The following KPNA7 variants were observed in gnomAD, a reference collection of about 807,000 sequenced individuals.
The protein encoded by KPNA7 is karyopherin subunit alpha 7, also known as importin subunit alpha-8.
A neutral mutation model predicts 53.7 loss-of-function variants in KPNA7; 54 were observed. The ratio of observed to expected loss-of-function variants is 1.01; its 90% CI spans 0.81 to 1.26. KPNA7 has a LOEUF of 1.26. Ranked by LOEUF, KPNA7 falls within the 50% of genes most tolerant of loss-of-function variation. The probability of loss-of-function intolerance (pLI) is 0.00; values close to 1 mark genes in which losing one functional copy is unlikely to be tolerated. For missense variants in KPNA7, 640 were observed against 644.5 expected, an observed-to-expected ratio of 0.99 and a Z score of 0.07; for synonymous variants, 276 against 259.3, an observed-to-expected ratio of 1.06 and a Z score of -0.62.
chr7:99,153,997 ATTG>A, the KPNA7 span, among the ~76,000 whole-genome samples: 2 of 152,060 alleles, frequency 1.3e-5, no homozygotes, highest in Non-Finnish European at 2.9e-5. Context: ...ATTTTTAATA[ATTG>A]TTATGATCCC....
Position 99,195,088 on chromosome 7 carries a change from C to T in KPNA7, c.535G>A (p.Ala179Thr). Reference sequence around the variant, plus strand: ...GTCTCACCGGCTATATTACCAAGAGCCCACACTGCCTGTTCACACACAGCC... The same window carrying T: ...GTCTCACCGGCTATATTACCAAGAGTCCACACTGCCTGTTCACACACAGCC... ...NVAVCEQAVW[A>T]LGNIAGDGPE... Residue 179 changes from alanine to threonine, a missense_variant, in exon 5 of 11, where the codon GCT (alanine) becomes ACT (threonine). Ala to Thr is a moderately conservative substitution (Grantham distance 58, BLOSUM62 0). Transcript: ENST00000327442. 6.4e-7 allele frequency: 1 copy of T among 1,551,566 alleles called. No homozygotes were observed. The highest frequency in any genetic ancestry group is 8.7e-7 in the Non-Finnish European group (1 of 1,146,960).
rs1584259557 is a variant in KPNA7, at chr7:99,177,919, C to A, written c.1464+1G>T. 3 of 1,551,918 alleles carry A rather than the reference C, an allele frequency of 1.9e-6. No individual in the cohort carries two copies. Among genetic ancestry groups the A allele is most frequent in the African/African-American group, 1.4e-5 (1 of 73,128 alleles). On this transcript the variant is annotated splice_donor_variant, in intron 10 of 10. Transcript: ENST00000327442. LOFTEE classifies it high-confidence loss of function. ...CTCCTCCACGCTCCTAAGTCACTTA[C>A]CTCACCAAAGTGCTTCTCGATGATG...
chr7:99,181,529 T>C (rs950693494), intron 9 of KPNA7, among the ~76,000 whole-genome samples: 2 of 152,122 alleles, frequency 1.3e-5, no homozygotes, highest in Non-Finnish European at 2.9e-5. Context: ...GTAGAGGTAT[T>C]GGGGGAAGAG....
At chr7:99,188,242 C>T in intron 7 of KPNA7, 58 bp downstream of exon 7, 2 of 1,512,104 alleles carry the variant, frequency 1.3e-6, no homozygotes, top group Admixed American at 2.0e-5. Context: ...GCCCCAGAAC[C>T]TGCTAAAGTG....
chr7:99,212,233 CTTTTTTTTTTT>C (rs34555248), upstream of KPNA7, among the ~76,000 whole-genome samples: 5 of 47,158 alleles, frequency 1.1e-4, no homozygotes, highest in African/African-American at 2.3e-4. Flanking sequence ...CACATGTGTC[CTTTTTTTTTTT>C]TTTTTTTTTT....
At chr7:99,198,278 A>G (rs1228713180) in intron 3 of KPNA7, among the ~76,000 whole-genome samples, 1 of 152,128 alleles carries the variant, frequency 6.6e-6, no homozygotes, top group Non-Finnish European at 1.5e-5. Flanking sequence ...ATTCTCACTC[A>G]TTCTTAGAGG....
At chr7:99,152,121 T>C in the KPNA7 span, among the ~76,000 whole-genome samples, 1 of 151,656 alleles carries the variant, frequency 6.6e-6, no homozygotes, top group Non-Finnish European at 1.5e-5. Flanking sequence ...GAGGCAGAGG[T>C]TGTAGTGAGC....
intron 6 of KPNA7, among the ~76,000 whole-genome samples, chr7:99,190,348 A>C (rs1789875403): frequency 6.7e-6 from 1 of 149,344 alleles, no homozygotes; most frequent in South Asian, 2.1e-4. Flanking sequence ...AAAAAAAAAA[A>C]AGCAGAAAAA....
At chr7:99,196,885 G>A (rs967776260) in intron 3 of KPNA7, among the ~76,000 whole-genome samples, 4 of 152,130 alleles carry the variant, frequency 2.6e-5, no homozygotes, top group African/African-American at 9.7e-5. Flanking sequence ...TTTTCCCTAA[G>A]AATGTTCATT....
chr7:99,145,955 T>C, the KPNA7 span, among the ~76,000 whole-genome samples: 4 of 152,168 alleles, frequency 2.6e-5, no homozygotes, highest in South Asian at 6.2e-4. Context: ...ATATAAGCAA[T>C]GTTTAAGCAA....
chr7:99,174,582 C>T (rs1343340178), intron 10 of KPNA7, among the ~76,000 whole-genome samples: 1 of 152,120 alleles, frequency 6.6e-6, no homozygotes, highest in East Asian at 1.9e-4. Flanking sequence ...TCTACTTTGT[C>T]TCTACAGATT....
At chr7:99,210,022 A>G (rs1203487379), upstream of KPNA7, among the ~76,000 whole-genome samples, 3 of 150,912 alleles carry the variant, frequency 2.0e-5, no homozygotes, top group Non-Finnish European at 4.4e-5. Context: ...AAACAAACAA[A>G]AAAAAGAAAA....
intron 1 of KPNA7, among the ~76,000 whole-genome samples, chr7:99,217,619 CTTTTTTTTTTTTT>C (rs10616354): frequency 1.8e-4 from 7 of 39,850 alleles, no homozygotes; most frequent in East Asian, 7.7e-4. Context: ...TCCACCTTGC[CTTTTTTTTTTTTT>C]TTTTTTTTTT....
intron 1 of KPNA7, among the ~76,000 whole-genome samples, chr7:99,219,326 G>C (rs756191947): frequency 6.6e-6 from 1 of 152,166 alleles, no homozygotes; most frequent in Non-Finnish European, 1.5e-5. Context: ...GACGTTTAAG[G>C]CTCCTAGGAT....
chr7:99,207,594 G>A lies in KPNA7; in HGVS notation c.-23-105C>T, dbSNP rs998849453. 1.2e-4 allele frequency: 43 copies of A among 345,634 alleles called. 1 individual carries two copies. The highest frequency in any genetic ancestry group is 9.9e-4 in the South Asian group (39 of 39,534). 21.4% of individuals were successfully genotyped at this position (345,634 alleles called of 1,614,324 possible). On this transcript the variant is annotated intron_variant, in intron 1 of 10. Transcript: ENST00000327442. ...TTAAAGGGCTCACAGTGGAGCAAAG[G>A]GCAGACCCAGGAAGCTAGCTTTTTT...
At chr7:99,209,504 C>T (rs887198527), upstream of KPNA7, among the ~76,000 whole-genome samples, 5 of 151,608 alleles carry the variant, frequency 3.3e-5, no homozygotes, top group East Asian at 3.9e-4. Context: ...ACCAACATGG[C>T]GAAACCCTGT....
chr7:99,173,471 G>A (rs896845720), downstream of KPNA7: 18 of 352,574 alleles, frequency 5.1e-5, no homozygotes, highest in East Asian at 3.1e-4. Flanking sequence ...GGGATTACAG[G>A]TGTGAGCCAC....
At chr7:99,152,300 T>G in the KPNA7 span, among the ~76,000 whole-genome samples, 1 of 148,278 alleles carries the variant, frequency 6.7e-6, no homozygotes, top group Non-Finnish European at 1.5e-5. Flanking sequence ...AGGCAGAAGT[T>G]GCCGTGAGAC....
At chr7:99,174,962 C>T (rs1331297953) in intron 10 of KPNA7, among the ~76,000 whole-genome samples, 1 of 152,004 alleles carries the variant, frequency 6.6e-6, no homozygotes, top group Non-Finnish European at 1.5e-5. Flanking sequence ...GAGCACCCGT[C>T]ACCACACCCA....
Sources: allele counts gnomAD v4.1 joint callset (sites outside exome capture counted in the v4.1 genomes callset), GRCh38; gene constraint gnomAD v4.1.1; transcripts MANE v1.5; gene names NCBI Gene and HGNC (gene_info 2026-07-23, HGNC 2026-07-21).